DNAJB6: variants seen among roughly 807,000 people sequenced by gnomAD.
DNAJB6 encodes the protein DnaJ heat shock protein family (Hsp40) member B6.
A neutral mutation model predicts 42.7 loss-of-function variants in DNAJB6; 16 were observed. The observed-to-expected ratio is 0.37, with a 90% confidence interval of 0.25 to 0.57. DNAJB6 has a LOEUF of 0.57. Among genes scored for constraint, DNAJB6 ranks in the 20% least tolerant of loss-of-function variants. The probability of loss-of-function intolerance (pLI) is 0.74; values close to 1 mark genes in which losing one functional copy is unlikely to be tolerated. For synonymous variants in DNAJB6, 170 were observed against 163.5 expected (o/e 1.04, Z -0.30); for missense variants, 347 against 416.8 (o/e 0.83, Z 1.46).
At chr7:157,338,930 G>A (rs913744337) in intron 1 of DNAJB6, among the ~76,000 whole-genome samples, 3 of 152,308 alleles carry the variant, frequency 2.0e-5, no homozygotes, top group East Asian at 3.9e-4. Flanking sequence ...AGAGGGCAGA[G>A]CTCTTAAAGA....
At chr7:157,369,637 C>G (rs1345194365) in intron 5 of DNAJB6, among the ~76,000 whole-genome samples, 1 of 149,910 alleles carries the variant, frequency 6.7e-6, no homozygotes, top group Non-Finnish European at 1.5e-5. Context: ...TAAAGAGGCC[C>G]TTTCTTCACA....
At chr7:157,382,219 A>C (rs1325431409) in intron 5 of DNAJB6, 27 bp from the exon 6 acceptor site, 1 of 1,561,520 alleles carries the variant, frequency 6.4e-7, no homozygotes, top group Non-Finnish European at 8.6e-7. Context: ...AAAAGACTTC[A>C]TAGTGTGTGT....
intron 9 of DNAJB6, chr7:157,410,374 G>C (rs1795931087): frequency 2.5e-6 from 1 of 403,368 alleles, no homozygotes; most frequent in African/African-American, 2.1e-5. Flanking sequence ...CGTGCTGGTG[G>C]GGTCTGCGTT....
chr7:157,349,480 G>A (rs1447683290), intron 1 of DNAJB6, among the ~76,000 whole-genome samples: 1 of 132,582 alleles, frequency 7.5e-6, no homozygotes, highest in African/African-American at 2.5e-5. Flanking sequence ...ACTTAGCAGA[G>A]TTTTATTACT....
chr7:157,341,778 G>C (rs1285942865), intron 1 of DNAJB6, among the ~76,000 whole-genome samples: 1 of 152,208 alleles, frequency 6.6e-6, no homozygotes, highest in Admixed American at 6.5e-5. Context: ...TGTATGTCCT[G>C]ATGACCTTCC....
At chr7:157,412,972 A>G in intron 9 of DNAJB6, 1 of 152,420 alleles carries the variant, frequency 6.6e-6, no homozygotes, top group Non-Finnish European at 1.5e-5. Context: ...TGTGATTGAC[A>G]ACGGGTGCAG....
intron 1 of DNAJB6, among the ~76,000 whole-genome samples, chr7:157,352,186 A>G (rs921439714): frequency 5.3e-5 from 8 of 151,840 alleles, no homozygotes; most frequent in South Asian, 2.1e-4. Context: ...AAAATTAGCT[A>G]GGCGTGGTGG....
intron 5 of DNAJB6, among the ~76,000 whole-genome samples, chr7:157,375,963 G>A (rs1183747071): frequency 6.6e-6 from 1 of 152,152 alleles, no homozygotes; most frequent in South Asian, 2.1e-4. Flanking sequence ...GCTTTTCTGT[G>A]CACTTGGGGA....
chr7:157,379,115 C>T (rs566177423), intron 5 of DNAJB6: 61 of 152,054 alleles, frequency 4.0e-4, no homozygotes, highest in African/African-American at 1.4e-3. Context: ...AAGCATTGGC[C>T]TTCTCATAAC....
chr7:157,357,156 A>G (rs956487753), intron 1 of DNAJB6, among the ~76,000 whole-genome samples: 4 of 150,320 alleles, frequency 2.7e-5, no homozygotes, highest in Non-Finnish European at 5.9e-5. Flanking sequence ...AACAAAAAAC[A>G]AAAACCAAGA....
At chr7:157,338,624 G>C (rs559343847) in intron 1 of DNAJB6, among the ~76,000 whole-genome samples, 2 of 152,342 alleles carry the variant, frequency 1.3e-5, no homozygotes, top group Admixed American at 1.3e-4. Flanking sequence ...GCGAGCCACC[G>C]CGCCTCGCCG....
intron 1 of DNAJB6, among the ~76,000 whole-genome samples, chr7:157,348,410 C>A (rs926298487): frequency 6.6e-6 from 1 of 152,084 alleles, no homozygotes; most frequent in Non-Finnish European, 1.5e-5. Context: ...TTTAATATTG[C>A]CATATTTTAA....
intron 8 of DNAJB6, among the ~76,000 whole-genome samples, chr7:157,406,603 C>T (rs937950161): frequency 6.6e-6 from 1 of 152,148 alleles, no homozygotes; most frequent in Non-Finnish European, 1.5e-5. Context: ...GCGCAGGCAT[C>T]CACAGGAGCC....
chr7:157,347,528 C>A (rs547500982), intron 1 of DNAJB6, among the ~76,000 whole-genome samples: 1 of 152,244 alleles, frequency 6.6e-6, no homozygotes, highest in African/African-American at 2.4e-5. Context: ...TTTGAACTTG[C>A]TGGAACATTG....
In DNAJB6 at chr7:157,416,640, G is replaced by C. The variant is rs977815944; in HGVS notation, c.*542G>C. On this transcript the variant is annotated 3_prime_UTR_variant, in exon 10 of 10. Coordinates refer to ENST00000262177, the MANE Select transcript of DNAJB6 (RefSeq NM_058246.4). ...TAGAAGGCTGTCGTGAATCACATCA[G>C]ATGTAAAATCATTCCTTCTGTTTAC... The C allele has an allele frequency of 1.3e-5, 2 of 152,462 alleles. No individual in the cohort carries two copies. The highest frequency in any genetic ancestry group is 2.9e-5 in the Non-Finnish European group (2 of 68,224). 9.4% of individuals were successfully genotyped at this position (152,462 alleles called of 1,614,324 possible).
chr7:157,367,147 A>G (rs1799883784), intron 4 of DNAJB6, among the ~76,000 whole-genome samples: 1 of 152,246 alleles, frequency 6.6e-6, no homozygotes, highest in Non-Finnish European at 1.5e-5. Flanking sequence ...GAGATGGTGA[A>G]AAGTAGTGTC....
chr7:157,407,044 C>T (rs899941591), intron 8 of DNAJB6, among the ~76,000 whole-genome samples: 5 of 152,222 alleles, frequency 3.3e-5, no homozygotes, highest in East Asian at 3.9e-4. Flanking sequence ...CTCGGACACC[C>T]GCCCAGGGGC....
intron 9 of DNAJB6, chr7:157,410,530 C>T (rs1795938803): frequency 5.8e-6 from 1 of 173,670 alleles, no homozygotes. Context: ...CTGCCCTCCT[C>T]CCACCTGTTA....
chr7:157,389,422 G>T (rs1424714046), intron 8 of DNAJB6, among the ~76,000 whole-genome samples: 1 of 152,202 alleles, frequency 6.6e-6, no homozygotes, highest in East Asian at 1.9e-4. Flanking sequence ...TTATTTCGGA[G>T]GTTTTCAAGC....
Sources: allele counts gnomAD v4.1 joint callset (sites outside exome capture counted in the v4.1 genomes callset), GRCh38; gene constraint gnomAD v4.1.1; transcripts MANE v1.5; gene names NCBI Gene and HGNC (gene_info 2026-07-23, HGNC 2026-07-21).